NRG3: variants seen among roughly 807,000 people sequenced by gnomAD.
NRG3 encodes the protein neuregulin 3.
Under a neutral mutation model 66.9 loss-of-function variants are expected in NRG3, and 31 were observed. The observed-to-expected ratio is 0.46, with a 90% CI of 0.35 to 0.63. NRG3 has a LOEUF of 0.63. NRG3 is among the 20% of genes least tolerant of loss of function. NRG3 has a pLI of 0.00. For synonymous variants in NRG3, 393 were observed against 359.4 expected (o/e 1.09, Z -1.06); for missense variants, 910 against 878.9 (o/e 1.04, Z -0.45).
intron 2 of NRG3, among the ~76,000 whole-genome samples, chr10:82,666,194 C>T (rs2052767822): frequency 6.6e-6 from 1 of 152,132 alleles, no homozygotes; most frequent in South Asian, 2.1e-4. Flanking sequence ...TGCTGGAGAG[C>T]CTCTGCTTAT....
chr10:82,321,301 T>TG (rs373044749), intron 1 of NRG3, among the ~76,000 whole-genome samples: 3,567 of 137,962 alleles, frequency 0.026, 212 homozygotes, highest in African/African-American at 0.092. Context: ...GTGGCAGGGG[T>TG]GGGGGTGGGG....
chr10:82,055,724 T>A (rs1390550006), intron 1 of NRG3, among the ~76,000 whole-genome samples: 1 of 152,058 alleles, frequency 6.6e-6, no homozygotes, highest in African/African-American at 2.4e-5. Flanking sequence ...AGCACATTTG[T>A]AAAGCGATGA....
At chr10:82,225,043 AT>A (rs1175893724) in intron 1 of NRG3, among the ~76,000 whole-genome samples, 1 of 152,068 alleles carries the variant, frequency 6.6e-6, no homozygotes, top group African/African-American at 2.4e-5. Flanking sequence ...AATATTCAGT[AT>A]ACTTTTAAAA....
At chr10:82,455,182 AAT>A (rs1463530413) in intron 2 of NRG3, among the ~76,000 whole-genome samples, 6 of 152,218 alleles carry the variant, frequency 3.9e-5, no homozygotes, top group African/African-American at 1.4e-4. Context: ...ACTTTCAGAT[AAT>A]ATATAGTCAT....
chr10:81,969,327 G>T (rs2059842818), intron 1 of NRG3, among the ~76,000 whole-genome samples: 2 of 152,196 alleles, frequency 1.3e-5, no homozygotes, highest in Admixed American at 6.5e-5. Flanking sequence ...AATAACAGCT[G>T]TAAGTAATAA....
chr10:82,586,691 A>G (rs1346479056), intron 2 of NRG3, among the ~76,000 whole-genome samples: 1 of 152,210 alleles, frequency 6.6e-6, no homozygotes, highest in African/African-American at 2.4e-5. Flanking sequence ...TCTATTCACC[A>G]TCTTTATTTT....
At position 82,889,307 on chromosome 10, in the gene NRG3, G is replaced by GTT. The variant is rs1485071561; in HGVS notation, c.1054+23870_1054+23871insTT. ...GGATTTGTTGAAAGAGCGGATACCG[G>GTT]GTTTGAGAGACAGCAATCAGAGATG... is the stretch of plus-strand genomic sequence containing the variant. On this transcript the variant is annotated intron_variant, in intron 4 of 8. Transcript: ENST00000372141. Among the ~76,000 whole-genome samples, 57 of 152,216 alleles carry GTT rather than the reference G, an allele frequency of 3.7e-4. No individual in the cohort carries two copies. The South Asian group carries it at 0.011, about 30-fold the overall frequency.
At chr10:82,129,941 CTA>C (rs1333345297) in intron 1 of NRG3, among the ~76,000 whole-genome samples, 3 of 152,024 alleles carry the variant, frequency 2.0e-5, no homozygotes, top group African/African-American at 7.2e-5. Context: ...CTTATTCATT[CTA>C]TCTTAACTAT....
chr10:82,559,319 A>G (rs1347733499), intron 2 of NRG3, among the ~76,000 whole-genome samples: 1 of 152,166 alleles, frequency 6.6e-6, no homozygotes. Flanking sequence ...AGGAAGGAGA[A>G]GTTGAGAGGA....
chr10:82,329,934 T>C (rs985874384), intron 1 of NRG3, among the ~76,000 whole-genome samples: 1 of 152,100 alleles, frequency 6.6e-6, no homozygotes, highest in African/African-American at 2.4e-5. Flanking sequence ...CACCCAAGGG[T>C]TTCCCCCAAA....
intron 1 of NRG3, among the ~76,000 whole-genome samples, chr10:82,260,929 A>C (rs2134200783): frequency 6.6e-6 from 1 of 152,288 alleles, no homozygotes; most frequent in South Asian, 2.1e-4. Context: ...GTTGAAATGT[A>C]ATCACCAATG....
At chr10:81,889,235 C>T (rs1355486609) in intron 1 of NRG3, 3 of 152,182 alleles carry the variant, frequency 2.0e-5, no homozygotes, top group African/African-American at 7.2e-5. Context: ...TGCCACATCA[C>T]CCTTCTGGTT....
At chr10:82,727,960 C>G (rs193212795) in intron 2 of NRG3, among the ~76,000 whole-genome samples, 270 of 152,234 alleles carry the variant, frequency 1.8e-3, no homozygotes, top group African/African-American at 6.2e-3. Flanking sequence ...TTTGACTGCC[C>G]TGCTGGATTT....
At chr10:82,255,118 A>G (rs910461778) in intron 1 of NRG3, among the ~76,000 whole-genome samples, 6 of 152,226 alleles carry the variant, frequency 3.9e-5, no homozygotes, top group Non-Finnish European at 8.8e-5. Flanking sequence ...ATAGGACATG[A>G]TGAAAATGGC....
chr10:81,965,274 A>G (rs1474083005), intron 1 of NRG3, among the ~76,000 whole-genome samples: 1 of 152,212 alleles, frequency 6.6e-6, no homozygotes, highest in East Asian at 1.9e-4. Flanking sequence ...TCTGTCATCT[A>G]TCAATGAATT....
At chr10:82,252,578 C>T (rs573965317) in intron 1 of NRG3, among the ~76,000 whole-genome samples, 11 of 152,222 alleles carry the variant, frequency 7.2e-5, no homozygotes, top group African/African-American at 2.6e-4. Context: ...ATATCTGGTA[C>T]AGTATTGCTC....
At chr10:82,018,632 C>T (rs1037903792) in intron 1 of NRG3, among the ~76,000 whole-genome samples, 2 of 152,106 alleles carry the variant, frequency 1.3e-5, no homozygotes, top group African/African-American at 4.8e-5. Flanking sequence ...TTGTAGTTCT[C>T]CTTGAAGAGG....
At chr10:82,835,518 C>G (rs1242095860) in intron 3 of NRG3, among the ~76,000 whole-genome samples, 6 of 152,150 alleles carry the variant, frequency 3.9e-5, no homozygotes, top group Admixed American at 1.3e-4. Context: ...CTGGGTTAGT[C>G]TTGGCTCTCA....
At chr10:82,172,984 T>C (rs1362374296) in intron 1 of NRG3, among the ~76,000 whole-genome samples, 1 of 152,138 alleles carries the variant, frequency 6.6e-6, no homozygotes, top group Non-Finnish European at 1.5e-5. Context: ...AGGCTCCTAA[T>C]ATGAAAGTGT....
Sources: allele counts gnomAD v4.1 joint callset (sites outside exome capture counted in the v4.1 genomes callset), GRCh38; gene constraint gnomAD v4.1.1; transcripts MANE v1.5; gene names NCBI Gene and HGNC (gene_info 2026-07-23, HGNC 2026-07-21).